The following LIN54 variants were observed in gnomAD, a reference collection of about 807,000 sequenced individuals.
The protein encoded by LIN54 is protein lin-54 homolog.
Under a neutral mutation model 78.7 loss-of-function variants are expected in LIN54, and 9 were observed. The observed-to-expected ratio is 0.11, with a 90% CI of 0.07 to 0.20. LIN54 has a LOEUF of 0.20. LIN54 is among the 10% of genes least tolerant of loss of function. The pLI is 1.00. For synonymous variants in LIN54, 269 were observed against 318.4 expected (o/e 0.84, Z 1.65); for missense variants, 573 against 889.9 (o/e 0.64, Z 4.53).
chr4:82,939,633 T>C lies in LIN54; in HGVS notation c.1346A>G (p.Asn449Ser), dbSNP rs1334637543. 8 of 1,614,032 alleles carry C rather than the reference T, an allele frequency of 5.0e-6. No homozygotes were observed. The highest frequency in any genetic ancestry group is 2.7e-5 in the African/African-American group (2 of 74,902). ...AGTGCCTGGTGGCAGGTTAGTGAGG[T>C]TGGGCTGGATCTGTGGCAGTGGTGT... ...PATPLPQIQP[N>S]LTNLPPGTVL... The change falls in exon 7 of 13, where the codon AAC (asparagine) becomes AGC (serine). Residue 449 changes from asparagine to serine, a missense_variant. By Grantham distance (46) the Asn-to-Ser change is conservative (BLOSUM62 1). Around this residue, in one of 6 missense-constraint regions of LIN54, gnomAD observed 101 missense variants for 194.2 expected, o/e 0.52. Coordinates refer to ENST00000340417, the MANE Select transcript of LIN54 (RefSeq NM_194282.4).
intron 12 of LIN54, among the ~76,000 whole-genome samples, chr4:82,929,017 C>A (rs1721719771): frequency 6.6e-6 from 1 of 152,174 alleles, no homozygotes; most frequent in South Asian, 2.1e-4. Context: ...ATAATCTAAA[C>A]CACTAACTCA....
chr4:82,940,968 A>G (rs994966792), intron 5 of LIN54, among the ~76,000 whole-genome samples: 1 of 152,146 alleles, frequency 6.6e-6, no homozygotes, highest in Non-Finnish European at 1.5e-5. Context: ...GTTAGCTGCC[A>G]TCATCGTTGT....
At chr4:83,004,845 AT>A (rs955117506) in intron 1 of LIN54, among the ~76,000 whole-genome samples, 10 of 151,674 alleles carry the variant, frequency 6.6e-5, no homozygotes, top group African/African-American at 1.5e-4. Flanking sequence ...CCTAAGTTTA[AT>A]TTTTTTTACA....
At chr4:82,947,970 TAAAAGAC>T (rs1341337405) in intron 4 of LIN54, among the ~76,000 whole-genome samples, 1 of 152,136 alleles carries the variant, frequency 6.6e-6, no homozygotes, top group Admixed American at 6.5e-5. Context: ...AGAAACATTA[TAAAAGAC>T]ATTACTTCCG....
intron 11 of LIN54, among the ~76,000 whole-genome samples, chr4:82,932,195 C>T (rs1223909308): frequency 6.7e-6 from 1 of 149,944 alleles, no homozygotes; most frequent in African/African-American, 2.5e-5. Flanking sequence ...CCCAGGTTCA[C>T]GCCATTCTCT....
rs1179887787 is a variant in LIN54, at chr4:82,931,148, A to T, written c.1846-3T>A. 4 of 1,613,072 alleles carry T rather than the reference A, an allele frequency of 2.5e-6. No individual in the cohort carries two copies. The highest frequency in any genetic ancestry group is 3.4e-6 in the Non-Finnish European group (4 of 1,179,354). On this transcript the variant is annotated splice_region_variant and splice_polypyrimidine_tract_variant and intron_variant, in intron 11 of 12. Transcript: ENST00000340417. ...ATTGAGGAACACATTATTTTTGCCT[A>T]AAAGATTTACATAAGAAAAGTTTCC...
At chr4:83,005,741 A>G (rs1309315733) in intron 1 of LIN54, among the ~76,000 whole-genome samples, 1 of 152,194 alleles carries the variant, frequency 6.6e-6, no homozygotes, top group Non-Finnish European at 1.5e-5. Context: ...AGTGATTTCT[A>G]AAAGAATTTG....
intron 1 of LIN54, among the ~76,000 whole-genome samples, chr4:82,996,036 T>C (rs977109022): frequency 2.0e-5 from 3 of 151,586 alleles, no homozygotes; most frequent in Non-Finnish European, 2.9e-5. Flanking sequence ...TCCCAGCTAC[T>C]CGGGAGGCTG....
chr4:83,012,234 G>A (rs1039491792), upstream of LIN54, among the ~76,000 whole-genome samples: 1 of 152,092 alleles, frequency 6.6e-6, no homozygotes, highest in African/African-American at 2.4e-5. Flanking sequence ...GCCAAGCTAA[G>A]TCCCGGCCCG....
At chr4:83,007,283 A>G (rs1729481127) in intron 1 of LIN54, among the ~76,000 whole-genome samples, 1 of 152,206 alleles carries the variant, frequency 6.6e-6, no homozygotes, top group African/African-American at 2.4e-5. Context: ...GTACCCGAGA[A>G]TGAGAATAAA....
intron 4 of LIN54, among the ~76,000 whole-genome samples, chr4:82,947,235 A>ATT (rs34511957): frequency 8.4e-4 from 37 of 44,288 alleles, no homozygotes; most frequent in Non-Finnish European, 1.1e-3. Flanking sequence ...ATATATATAT[A>ATT]TTTTTTTTTT....
Position 82,939,700 on chromosome 4 carries a change from C to T in LIN54, c.1279G>A (p.Val427Ile). ...CGTTGCTGTGGCTGGCTAGTAGTTACTATTTGTGAAGTTGGATTGATTGGT... is the reference window on the plus strand; with the variant it reads ...CGTTGCTGTGGCTGGCTAGTAGTTATTATTTGTGAAGTTGGATTGATTGGT... The part of the protein sequence containing the change: ...PKPINPTSQI[V>I]TTSQPQQRLI... Residue 427 changes from valine to isoleucine, a missense_variant, in exon 7 of 13, where the codon GTA (valine) becomes ATA (isoleucine). By Grantham distance (29) the Val-to-Ile change is conservative. Coordinates refer to ENST00000340417, the MANE Select transcript of LIN54 (RefSeq NM_194282.4). 1 of 1,614,082 alleles carries T rather than the reference C, an allele frequency of 6.2e-7. No individual in the cohort carries two copies.
chr4:82,958,521 A>T (rs1724523734), intron 4 of LIN54, among the ~76,000 whole-genome samples: 3 of 152,112 alleles, frequency 2.0e-5, no homozygotes. Flanking sequence ...CACTTATCCA[A>T]CTGTAATTTC....
At chr4:83,012,832 C>T (rs1729937256), upstream of LIN54, 1 of 151,580 alleles carries the variant, frequency 6.6e-6, no homozygotes, top group African/African-American at 2.4e-5. Flanking sequence ...GCGCGGCGCT[C>T]CCTGGGCTCC....
In LIN54 at chr4:83,010,563, C is replaced by A; in HGVS notation, c.-112G>T. On this transcript the variant is annotated 5_prime_UTR_variant, in exon 1 of 13. Transcript: ENST00000340417. ...GGTCCTGGGCAATCCCGAGCCCCGG[C>A]GGGGCTTGTTTTGCCCGTGCACGAT... 8.2e-7 allele frequency: 1 copy of A among 1,215,208 alleles called. No individual in the cohort carries two copies. Among genetic ancestry groups the A allele is most frequent in the Non-Finnish European group, 1.0e-6 (1 of 977,704 alleles). The allele number at this position is 1,215,208 out of a possible 1,614,324, so 75.3% of individuals were successfully genotyped here.
chr4:82,963,802 G>A (rs1006132486), intron 4 of LIN54, among the ~76,000 whole-genome samples: 3 of 151,940 alleles, frequency 2.0e-5, no homozygotes, highest in Non-Finnish European at 2.9e-5. Flanking sequence ...ATAAAGATGA[G>A]ACAAAGAGAA....
chr4:82,967,245 A>G (rs1298421678), intron 4 of LIN54, among the ~76,000 whole-genome samples: 1 of 151,736 alleles, frequency 6.6e-6, no homozygotes, highest in Non-Finnish European at 1.5e-5. Context: ...AAGAAAAAAG[A>G]AAAAAAAGGA....
chr4:82,945,255 GCTT>G (rs1301773144), intron 5 of LIN54, among the ~76,000 whole-genome samples: 1 of 152,170 alleles, frequency 6.6e-6, no homozygotes, highest in Non-Finnish European at 1.5e-5. Context: ...GCCATCAACT[GCTT>G]CTTGACATTG....
At chr4:82,961,533 AAG>A (rs1347121768) in intron 4 of LIN54, among the ~76,000 whole-genome samples, 17 of 152,358 alleles carry the variant, frequency 1.1e-4, no homozygotes, top group South Asian at 2.1e-4. Context: ...GCTGAAAAAA[AAG>A]AGTTCTCCAC....
Sources: gnomAD v4.1 joint callset for allele counts (sites outside exome capture counted in the v4.1 genomes callset) on GRCh38, gnomAD v4.1.1 for gene constraint, gnomAD v4.1.1 regional missense constraint, MANE v1.5 for transcripts, NCBI Gene and HGNC (gene_info 2026-07-23, HGNC 2026-07-21) for gene names.